Variants in IDE observed in about 807,000 individuals in gnomAD.
IDE encodes the protein insulin degrading enzyme.
Under a neutral mutation model 133.2 loss-of-function variants are expected in IDE, and 58 were observed. The observed-to-expected ratio is 0.44, with a 90% CI of 0.35 to 0.54. The LOEUF is 0.54. IDE is among the 20% of genes least tolerant of loss of function. The pLI, the probability that IDE is intolerant of heterozygous loss-of-function variation, is 0.00. For missense variants in IDE, 981 were observed against 1,234.0 expected (o/e 0.79, Z 3.07); for synonymous variants, 396 against 421.3 (o/e 0.94, Z 0.73).
chr10:92,495,216 C>CTTT (rs71028822), intron 11 of IDE, among the ~76,000 whole-genome samples: 16 of 73,424 alleles, frequency 2.2e-4, no homozygotes, highest in East Asian at 1.8e-3. Flanking sequence ...TCACACTCGG[C>CTTT]TTTTTTTTTT....
intron 22 of IDE, among the ~76,000 whole-genome samples, chr10:92,457,768 A>G (rs1369493766): frequency 7.9e-5 from 12 of 152,138 alleles, no homozygotes; most frequent in African/African-American, 2.7e-4. Flanking sequence ...GCAGTTACTA[A>G]TAAGCCTGGT....
intron 11 of IDE, 75 bp from the exon 12 acceptor site, chr10:92,490,670 G>T: frequency 2.3e-6 from 2 of 881,808 alleles, no homozygotes; most frequent in Non-Finnish European, 3.7e-6. Context: ...ACCTGACTCA[G>T]GACAATATAA....
chr10:92,519,913 T>A (rs1589462644), intron 4 of IDE, among the ~76,000 whole-genome samples: 2 of 152,224 alleles, frequency 1.3e-5, no homozygotes. Context: ...GAGACCAGCC[T>A]GGCCAACATG....
At chr10:92,568,188 T>C (rs1489953444) in intron 1 of IDE, among the ~76,000 whole-genome samples, 1 of 152,138 alleles carries the variant, frequency 6.6e-6, no homozygotes, top group Non-Finnish European at 1.5e-5. Flanking sequence ...AGGAAGTTTA[T>C]TACTCAAACC....
intron 11 of IDE, 146 bp from the exon 12 acceptor site, chr10:92,490,741 A>C: frequency 3.3e-6 from 2 of 609,160 alleles, no homozygotes; most frequent in Non-Finnish European, 5.8e-6. Flanking sequence ...GGCTTAGTCC[A>C]AACAAGCAAT....
At chr10:92,537,852 T>A (rs986258415) in intron 1 of IDE, among the ~76,000 whole-genome samples, 2 of 151,406 alleles carry the variant, frequency 1.3e-5, no homozygotes, top group Non-Finnish European at 2.9e-5. Flanking sequence ...TAGAATAGAG[T>A]TTTTTTTGCT....
chr10:92,482,193 T>C (rs1182408651), intron 14 of IDE, among the ~76,000 whole-genome samples: 1 of 152,136 alleles, frequency 6.6e-6, no homozygotes, highest in Non-Finnish European at 1.5e-5. Context: ...TGAATAAAAA[T>C]TAATGAAAAA....
At chr10:92,512,236 T>C (rs1016224061) in intron 5 of IDE, among the ~76,000 whole-genome samples, 1 of 152,192 alleles carries the variant, frequency 6.6e-6, no homozygotes, top group African/African-American at 2.4e-5. Context: ...TCCTTCCACA[T>C]GGTTACTCTT....
At chr10:92,499,520 C>A (rs1370267643) in intron 11 of IDE, among the ~76,000 whole-genome samples, 1 of 152,128 alleles carries the variant, frequency 6.6e-6, no homozygotes, top group Admixed American at 6.6e-5. Flanking sequence ...GCAACCTCCA[C>A]CTCCTGGGCT....
chr10:92,517,073 A>T (rs1224514334), intron 4 of IDE, among the ~76,000 whole-genome samples: 1 of 152,154 alleles, frequency 6.6e-6, no homozygotes, highest in Non-Finnish European at 1.5e-5. Context: ...CAGAGATAAA[A>T]CTATGGTAGA....
At chr10:92,526,024 T>C (rs1246107514) in intron 4 of IDE, among the ~76,000 whole-genome samples, 14 of 151,694 alleles carry the variant, frequency 9.2e-5, no homozygotes, top group Admixed American at 9.2e-4. Context: ...GGCGTTGTGG[T>C]GCAAGCCTGT....
At position 92,476,014 on chromosome 10, in the gene IDE, T is replaced by A. The variant is rs1277940964; in HGVS notation, c.1885-20A>T. On this transcript the variant is annotated intron_variant, in intron 15 of 24. Coordinates refer to ENST00000265986, the MANE Select transcript of IDE (RefSeq NM_004969.4). ...TGAAAGCTACAGAAAGAATTCAGGG[T>A]ATTAAAAGTCTAAAAATATCACAAA... 1.9e-6 allele frequency: 2 copies of A among 1,050,646 alleles called. No individual in the cohort carries two copies. Among genetic ancestry groups the A allele is most frequent in the Non-Finnish European group, 2.9e-6 (2 of 699,082 alleles). The allele number at this position is 1,050,646 out of a possible 1,614,324, so 65.1% of individuals were successfully genotyped here.
intron 4 of IDE, 37 bp downstream of exon 4, chr10:92,531,711 G>A (rs747011887): frequency 2.1e-6 from 3 of 1,413,486 alleles, no homozygotes; most frequent in Non-Finnish European, 2.9e-6. Context: ...GTGGCCATGG[G>A]TTTAAATGAG....
intron 13 of IDE, 77 bp downstream of exon 13, chr10:92,487,119 G>T: frequency 7.1e-7 from 1 of 1,405,800 alleles, no homozygotes; most frequent in Non-Finnish European, 9.7e-7. Context: ...AGTACCAAAT[G>T]TAAGAAATCA....
At chr10:92,502,500 G>A (rs1340041203) in intron 11 of IDE, among the ~76,000 whole-genome samples, 2 of 152,066 alleles carry the variant, frequency 1.3e-5, no homozygotes, top group Non-Finnish European at 2.9e-5. Context: ...TGCAACCTGT[G>A]ACTGTGCTGA....
rs1269078617 is a variant in IDE, at chr10:92,524,430, ATTT to A, written c.661+7315_661+7317del. ...ATATATATTATATTATATATAATAT[ATTT>A]TATATAATATATTTTATATATTATA... On this transcript the variant is annotated intron_variant, in intron 4 of 24. Transcript: ENST00000265986. 6.2e-3 allele frequency among the ~76,000 whole-genome samples: 401 copies of A among 64,200 alleles called. 37 individuals are homozygous for A. The highest frequency in any genetic ancestry group is 0.021 in the African/African-American group (321 of 15,610). 42.1% of individuals were successfully genotyped at this position (64,200 alleles called of 152,430 possible).
intron 1 of IDE, among the ~76,000 whole-genome samples, chr10:92,557,405 G>A (rs1161922389): frequency 9.2e-5 from 14 of 151,932 alleles, no homozygotes; most frequent in African/African-American, 1.5e-4. Context: ...GCTTGGTGGC[G>A]GGCGCCTGTA....
At chr10:92,513,245 T>C (rs1848718767) in intron 5 of IDE, among the ~76,000 whole-genome samples, 2 of 152,210 alleles carry the variant, frequency 1.3e-5, no homozygotes, top group Non-Finnish European at 2.9e-5. Flanking sequence ...CAGGCTGGAG[T>C]GCAGTGGCAC....
intron 4 of IDE, among the ~76,000 whole-genome samples, chr10:92,522,114 G>C (rs1163902745): frequency 6.6e-6 from 1 of 152,120 alleles, no homozygotes; most frequent in Non-Finnish European, 1.5e-5. Context: ...GGAGGGAAGA[G>C]AGAAAAAAGT....
Sources: allele counts gnomAD v4.1 joint callset (sites outside exome capture counted in the v4.1 genomes callset), GRCh38; gene constraint gnomAD v4.1.1; transcripts MANE v1.5; gene names NCBI Gene and HGNC (gene_info 2026-07-23, HGNC 2026-07-21).